The following GOLGB1 variants were observed in gnomAD, a reference collection of about 807,000 sequenced individuals.
GOLGB1 encodes golgin subfamily B member 1.
GOLGB1 carries 174 observed loss-of-function variants against 336.9 expected under a neutral mutation model. That is an observed-to-expected ratio of 0.52 (90% CI 0.46 to 0.59). The LOEUF is 0.59. GOLGB1 is among the 20% of genes least tolerant of loss of function. The probability of loss-of-function intolerance (pLI) is 0.00; values close to 1 mark genes in which losing one functional copy is unlikely to be tolerated. For synonymous variants in GOLGB1, 1,208 were observed against 1,289.2 expected (o/e 0.94, Z 1.35); for missense variants, 3,331 against 3,645.3 (o/e 0.91, Z 2.22).
At chr3:121,675,028 G>A (rs1282236295) in intron 17 of GOLGB1, among the ~76,000 whole-genome samples, 2 of 150,914 alleles carry the variant, frequency 1.3e-5, no homozygotes, top group Non-Finnish European at 2.9e-5. Flanking sequence ...AGTAGAGACG[G>A]GGTTTCACCT....
chr3:121,697,388 A>T lies in GOLGB1; in HGVS notation c.3135T>A (p.Asp1045Glu), dbSNP rs190826658. Residue 1045 changes from aspartate (D) to glutamate (E), a missense_variant, in exon 13 of 22, where the codon GAT (aspartate) becomes GAA (glutamate). By Grantham distance (45) the Asp-to-Glu change is conservative. Transcript: ENST00000614479. ...TTTCTGAGTATTCTTTGTTTTCTTT[A>T]TCTTCTTCCACTTCTCCCCTCTCAG... is the stretch of plus-strand genomic sequence containing the variant. ...SETERGEVEE[D>E]KENKEYSEKC... The T allele has an allele frequency of 4.4e-5, 71 of 1,613,308 alleles. No individual in the cohort carries two copies. The East Asian group carries it at 1.5e-3, about 34-fold the overall frequency.
chr3:121,665,129 G>T, intron 20 of GOLGB1, 98 bp from the exon 21 acceptor site: 1 of 696,502 alleles, frequency 1.4e-6, no homozygotes. Flanking sequence ...ATGCAGCACA[G>T]GAGGAGACTT....
At chr3:121,747,369 G>GTATA (rs112485604) in intron 1 of GOLGB1, among the ~76,000 whole-genome samples, 1 of 132,254 alleles carries the variant, frequency 7.6e-6, no homozygotes, top group African/African-American at 3.2e-5. Flanking sequence ...GTATATATAC[G>GTATA]TATATGTCTA....
Position 121,697,509 on chromosome 3 carries a change from A to G in GOLGB1, c.3014T>C (p.Ile1005Thr). Residue 1005 changes from isoleucine (I) to threonine (T), a missense_variant, in exon 13 of 22, where the codon ATT becomes ACT. Ile to Thr is a moderately conservative substitution (Grantham distance 89). Transcript: ENST00000614479. ...QRKRKLQAAL[I>T]NRKELLQRVS... ...TCTTTGCAGAAGCTCCTTTCTGTTA[A>G]TAAGAGCTGCCTGGAGCTTTCTCTT... 2.5e-6 allele frequency: 4 copies of G among 1,612,670 alleles called. No homozygotes were observed. Among genetic ancestry groups the G allele is most frequent in the Non-Finnish European group, 3.4e-6 (4 of 1,179,686 alleles).
At chr3:121,677,131 G>T in intron 16 of GOLGB1, 101 bp from the exon 17 acceptor site, 1 of 1,422,684 alleles carries the variant, frequency 7.0e-7, no homozygotes. Flanking sequence ...TCATAAGGTG[G>T]CTTATGGGCA....
rs145246923 is a variant in GOLGB1 at position 121,685,714 on chromosome 3, G to A, written c.8695-3849C>T. Among the ~76,000 whole-genome samples the A allele has an allele frequency of 2.4e-3, 372 of 152,166 alleles. 3 individuals are homozygous for A. Among genetic ancestry groups the A allele is most frequent in the African/African-American group, 8.7e-3 (360 of 41,506 alleles). Reference sequence around the variant, plus strand: ...TATAAGCATGATATTTACATACACAGGAAATACTGAAAGAATAAGCTAAAA... The same window carrying A: ...TATAAGCATGATATTTACATACACAAGAAATACTGAAAGAATAAGCTAAAA... On this transcript the variant is annotated intron_variant, in intron 14 of 21. Coordinates refer to ENST00000614479, the MANE Select transcript of GOLGB1 (RefSeq NM_001366282.2).
At position 121,698,492 on chromosome 3, in the gene GOLGB1, A is replaced by C; in HGVS notation, c.2031T>G (p.Leu677=). ...KSTKQDGDKS[L]SAVPDIGQCH... Reference sequence around the variant, plus strand: ...ACTGACCAATATCTGGTACAGCAGAAAGGGATTTATCACCATCCTGCTTTG... The same window carrying C: ...ACTGACCAATATCTGGTACAGCAGACAGGGATTTATCACCATCCTGCTTTG... The change falls in exon 13 of 22, where the codon CTT becomes CTG. Residue 677 remains leucine, a synonymous_variant. Coordinates refer to ENST00000614479, the MANE Select transcript of GOLGB1 (RefSeq NM_001366282.2). 1 of 1,613,710 alleles carries C rather than the reference A, an allele frequency of 6.2e-7. No individual in the cohort carries two copies. The highest frequency in any genetic ancestry group is 8.5e-7 in the Non-Finnish European group (1 of 1,179,746).
At chr3:121,722,163 T>A in intron 6 of GOLGB1, 99 bp downstream of exon 6, 1 of 713,088 alleles carries the variant, frequency 1.4e-6, no homozygotes, top group South Asian at 1.7e-5. Flanking sequence ...ACTATACTTT[T>A]ATCTACTAGG....
Position 121,716,945 on chromosome 3 carries a change from G to A in GOLGB1, c.1080C>T (p.Ala360=). The change falls in exon 9 of 22, where the codon GCC becomes GCT. Residue 360 remains alanine (A), a synonymous_variant. Coordinates refer to ENST00000614479, the MANE Select transcript of GOLGB1 (RefSeq NM_001366282.2). The part of the protein sequence containing the change: ...LLEQFEQAGQ[A]QAELESRYSA... Reference sequence around the variant, plus strand: ...TATACCGAGACTCTAGTTCAGCCTGGGCTTGGCCTGCTTGCTCAAACTGTT... The same window carrying A: ...TATACCGAGACTCTAGTTCAGCCTGAGCTTGGCCTGCTTGCTCAAACTGTT... The A allele has an allele frequency of 2.5e-6, 4 of 1,613,680 alleles. No individual in the cohort carries two copies. The highest frequency in any genetic ancestry group is 3.4e-6 in the Non-Finnish European group (4 of 1,179,778).
At position 121,730,032 on chromosome 3, in the gene GOLGB1, A is replaced by G. The variant is rs1287341811; in HGVS notation, c.97-15T>C. On this transcript the variant is annotated splice_polypyrimidine_tract_variant and intron_variant, in intron 2 of 21. Transcript: ENST00000614479. ...TGGTGTAATTCCTAATATTTAGGAAAAAAGTTGCCAGTGCACCAGGAAAAG... is the reference window on the plus strand; with the variant it reads ...TGGTGTAATTCCTAATATTTAGGAAGAAAGTTGCCAGTGCACCAGGAAAAG... The G allele has an allele frequency of 1.9e-6, 3 of 1,594,194 alleles. No individual in the cohort carries two copies. Among genetic ancestry groups the G allele is most frequent in the Non-Finnish European group, 2.6e-6 (3 of 1,168,656 alleles).
chr3:121,664,773 A>G (rs1938365656), intron 21 of GOLGB1, among the ~76,000 whole-genome samples, 153 bp downstream of exon 21: 1 of 152,202 alleles, frequency 6.6e-6, no homozygotes, highest in Non-Finnish European at 1.5e-5. Context: ...GGCAAATTCC[A>G]CCAGGTTCTA....
At chr3:121,736,903 CTAAA>C (rs142555128) in intron 1 of GOLGB1, among the ~76,000 whole-genome samples, 1 of 151,618 alleles carries the variant, frequency 6.6e-6, no homozygotes, top group Non-Finnish European at 1.5e-5. Flanking sequence ...GACCCTGCCT[CTAAA>C]TAAATAAATA....
intron 1 of GOLGB1, among the ~76,000 whole-genome samples, chr3:121,737,477 C>A (rs1946556547): frequency 6.6e-6 from 1 of 151,768 alleles, no homozygotes; most frequent in African/African-American, 2.4e-5. Context: ...ATGGTGAAAT[C>A]CCGTCTCTAC....
chr3:121,669,278 C>T lies in GOLGB1; in HGVS notation c.9255G>A (p.Gln3085=), dbSNP rs1257517499. The T allele has an allele frequency of 6.2e-7, 1 of 1,613,700 alleles. No individual in the cohort carries two copies. Among genetic ancestry groups the T allele is most frequent in the East Asian group, 2.2e-5 (1 of 44,886 alleles). Residue 3085 remains glutamine (Q), a synonymous_variant, in exon 18 of 22, where the codon CAG becomes CAA. Coordinates refer to ENST00000614479, the MANE Select transcript of GOLGB1 (RefSeq NM_001366282.2). ...CDTSQSLREN[Q]QHYGDLLNHC... ...GATTTAAAAGGTCACCATAGTGCTGCTGGTTCTCACGAAGACTCTGACTGG... is the reference window on the plus strand; with the variant it reads ...GATTTAAAAGGTCACCATAGTGCTGTTGGTTCTCACGAAGACTCTGACTGG...
At chr3:121,713,226 A>G (rs1382617153) in intron 10 of GOLGB1, among the ~76,000 whole-genome samples, 1 of 152,146 alleles carries the variant, frequency 6.6e-6, no homozygotes, top group African/African-American at 2.4e-5. Context: ...AGCTAAATAC[A>G]TAGGTACTCT....
At chr3:121,715,098 T>C (rs1944654286) in intron 9 of GOLGB1, 122 bp from the exon 10 acceptor site, 3 of 599,048 alleles carry the variant, frequency 5.0e-6, no homozygotes, top group Admixed American at 6.0e-5. Flanking sequence ...AAAATTATGA[T>C]GCCAATGACA....
At chr3:121,680,495 T>C (rs1009229676) in intron 15 of GOLGB1, among the ~76,000 whole-genome samples, 1 of 151,902 alleles carries the variant, frequency 6.6e-6, no homozygotes, top group Admixed American at 6.6e-5. Context: ...AGCAAAGAAA[T>C]AGAAGATATA....
intron 1 of GOLGB1, among the ~76,000 whole-genome samples, chr3:121,748,079 T>C (rs1257056211): frequency 6.6e-6 from 1 of 151,894 alleles, no homozygotes; most frequent in East Asian, 1.9e-4. Context: ...AGGGGGCCTA[T>C]AAAACTCAAG....
intron 1 of GOLGB1, chr3:121,749,018 C>G: frequency 3.4e-6 from 2 of 579,916 alleles, no homozygotes; most frequent in Non-Finnish European, 4.4e-6. Context: ...ACCTCTGATT[C>G]CTGGGATTTT....
Sources: allele counts gnomAD v4.1 joint callset (sites outside exome capture counted in the v4.1 genomes callset), GRCh38; gene constraint gnomAD v4.1.1; transcripts MANE v1.5; gene names NCBI Gene and HGNC (gene_info 2026-07-23, HGNC 2026-07-21).